Variants in TRDN observed in about 807,000 individuals in gnomAD.
TRDN encodes triadin.
TRDN carries 161 observed loss-of-function variants against 149.7 expected under a neutral mutation model. That is an observed-to-expected ratio of 1.08 (90% CI 0.95 to 1.23). The LOEUF (loss-of-function observed/expected upper bound fraction) is 1.23, where lower values mean the gene tolerates loss of function less well. Among genes scored for constraint, TRDN ranks in the 50% most tolerant of loss-of-function variants. The pLI is 0.00. For missense variants in TRDN, 896 were observed against 823.5 expected (o/e 1.09, Z -1.08); for synonymous variants, 294 against 250.5 (o/e 1.17, Z -1.64).
intron 9 of TRDN, among the ~76,000 whole-genome samples, chr6:123,474,406 G>A (rs563410816): frequency 1.3e-5 from 2 of 152,090 alleles, no homozygotes; most frequent in South Asian, 4.1e-4. Flanking sequence ...CCCAATACAG[G>A]AGTACCAAGA....
In TRDN at chr6:123,526,391, T is replaced by C. The variant is rs1173298330; in HGVS notation, c.484+4115A>G. Among the ~76,000 whole-genome samples, 3 of 152,080 alleles carry C rather than the reference T, an allele frequency of 2.0e-5. No homozygotes were observed. In the East Asian group the frequency reaches 5.8e-4, roughly 29 times the overall value. ...TTTCAGAGACAAATTCTAGATCCTA[T>C]GGCTATGAGCAAATTCTGGTGCTAC... On this transcript the variant is annotated intron_variant, in intron 5 of 40. Transcript: ENST00000334268.
rs1234571128 is a variant in TRDN at position 123,560,086 on chromosome 6, C to T, written c.232+10837G>A. ...TAGCCTTTCTGTCCAAACAACTTGA[C>T]CTTACTGTTTTAGCCTAGCCCTTAT... On this transcript the variant is annotated intron_variant, in intron 2 of 40. Coordinates refer to ENST00000334268, the MANE Select transcript of TRDN (RefSeq NM_006073.4). Among the ~76,000 whole-genome samples the T allele has an allele frequency of 2.0e-5, 3 of 152,212 alleles. No individual in the cohort carries two copies. The East Asian group carries it at 5.8e-4, about 29-fold the overall frequency.
chr6:123,256,969 T>C (rs1776586003), intron 35 of TRDN, among the ~76,000 whole-genome samples: 1 of 117,356 alleles, frequency 8.5e-6, no homozygotes, highest in African/African-American at 3.4e-5. Context: ...ATTTAAATCT[T>C]TTTCTTTTCT....
At chr6:123,496,134 T>C (rs957516312) in intron 9 of TRDN, among the ~76,000 whole-genome samples, 1 of 147,192 alleles carries the variant, frequency 6.8e-6, no homozygotes, top group African/African-American at 2.5e-5. Context: ...TATTTATAAA[T>C]TATAATATAT....
At chr6:123,396,365 T>C (rs1772734244) in intron 12 of TRDN, among the ~76,000 whole-genome samples, 1 of 152,198 alleles carries the variant, frequency 6.6e-6, no homozygotes, top group Admixed American at 6.5e-5. Flanking sequence ...ACTACACATA[T>C]TCTAATGAAA....
chr6:123,456,986 G>A (rs1428655754), intron 10 of TRDN: 5 of 337,880 alleles, frequency 1.5e-5, no homozygotes, highest in African/African-American at 2.2e-5. Context: ...GAGCATTGGA[G>A]GAAACATTCT....
intron 9 of TRDN, among the ~76,000 whole-genome samples, chr6:123,495,039 G>A (rs1239420329): frequency 6.6e-6 from 1 of 151,724 alleles, no homozygotes; most frequent in African/African-American, 2.4e-5. Context: ...CGGCCAGATT[G>A]AACTTTTAAA....
rs2114812883 is a variant in TRDN at position 123,497,180 on chromosome 6, T to G, written c.853+13A>C. 6.5e-7 allele frequency: 1 copy of G among 1,532,064 alleles called. No homozygotes were observed. The highest frequency in any genetic ancestry group is 2.5e-5 in the East Asian group (1 of 40,682). The allele number at this position is 1,532,064 out of a possible 1,614,324, so 94.9% of individuals were successfully genotyped here. A position where few individuals can be genotyped will look rare whatever the true frequency, so the allele number is the denominator to read the frequency against. On this transcript the variant is annotated intron_variant, in intron 9 of 40. Coordinates refer to ENST00000334268, the MANE Select transcript of TRDN (RefSeq NM_006073.4). ...CTATTAAAACAGACAAGTACAAGAA[T>G]TGCTTGGAATACCTGGTTTTAAATC...
chr6:123,380,077 T>C (rs1361165898), intron 16 of TRDN, among the ~76,000 whole-genome samples: 2 of 152,112 alleles, frequency 1.3e-5, no homozygotes, highest in African/African-American at 4.8e-5. Context: ...TGATAAACCA[T>C]AGCAAATGAG....
In TRDN at chr6:123,626,876, C is replaced by T. The variant is rs139553661; in HGVS notation, c.22+9878G>A. Among the ~76,000 whole-genome samples, 626 of 151,118 alleles carry T rather than the reference C, an allele frequency of 4.1e-3. 5 individuals carry two copies. Among genetic ancestry groups the T allele is most frequent in the Admixed American group, 7.3e-3 (111 of 15,172 alleles). On this transcript the variant is annotated intron_variant, in intron 1 of 40. Coordinates refer to ENST00000334268, the MANE Select transcript of TRDN (RefSeq NM_006073.4). ...ATAAGAGGTATTTCTCCCTATGTCA[C>T]CTATAGCCTTATAAAATGTTTTTTT...
intron 38 of TRDN, among the ~76,000 whole-genome samples, chr6:123,242,052 C>T (rs1776008088): frequency 1.3e-5 from 2 of 152,162 alleles, no homozygotes; most frequent in South Asian, 4.1e-4. Context: ...AAATCTTTTT[C>T]TTTGATATAC....
At chr6:123,234,121 T>C (rs553467791) in intron 38 of TRDN, among the ~76,000 whole-genome samples, 3 of 152,104 alleles carry the variant, frequency 2.0e-5, no homozygotes, top group Non-Finnish European at 4.4e-5. Flanking sequence ...GAACCAGTAC[T>C]TCTGACGCTA....
intron 4 of TRDN, among the ~76,000 whole-genome samples, chr6:123,538,138 C>G (rs1780641449): frequency 6.6e-6 from 1 of 152,122 alleles, no homozygotes; most frequent in African/African-American, 2.4e-5. Context: ...TTGTGTATTT[C>G]AAAGAATGCC....
intron 2 of TRDN, among the ~76,000 whole-genome samples, chr6:123,553,926 A>G (rs1283477005): frequency 6.6e-6 from 1 of 152,196 alleles, no homozygotes; most frequent in African/African-American, 2.4e-5. Context: ...AGGGCAGATA[A>G]TATGGTTTAA....
At chr6:123,540,677 C>T (rs958319802) in intron 4 of TRDN, among the ~76,000 whole-genome samples, 2 of 152,172 alleles carry the variant, frequency 1.3e-5, no homozygotes, top group African/African-American at 4.8e-5. Flanking sequence ...CGCCACGACG[C>T]CTGGCTAATT....
rs144625513 is a variant in TRDN, at chr6:123,419,056, T to C, written c.1051+19007A>G. ...TATGTGAACCTACTCCCAAAGGCCA[T>C]GGGAGCTGAGAGGCTAAAAAAAGAA... On this transcript the variant is annotated intron_variant, in intron 12 of 40. Transcript: ENST00000334268. Among the ~76,000 whole-genome samples, 420 of 151,988 alleles carry C rather than the reference T, an allele frequency of 2.8e-3. 2 individuals carry two copies. Among genetic ancestry groups the C allele is most frequent in the African/African-American group, 9.6e-3 (397 of 41,462 alleles).
At chr6:123,389,638 C>A (rs1433796116) in intron 13 of TRDN, among the ~76,000 whole-genome samples, 1 of 152,060 alleles carries the variant, frequency 6.6e-6, no homozygotes, top group Non-Finnish European at 1.5e-5. Flanking sequence ...TTTTAATTTA[C>A]CACAGGTTAT....
intron 14 of TRDN, among the ~76,000 whole-genome samples, chr6:123,383,394 C>A (rs187230821): frequency 1.2e-3 from 187 of 151,948 alleles, no homozygotes; most frequent in African/African-American, 4.1e-3. Flanking sequence ...AATTAACATG[C>A]TTTTTGATGT....
intron 38 of TRDN, among the ~76,000 whole-genome samples, chr6:123,251,102 C>T (rs909949531): frequency 4.6e-5 from 7 of 152,228 alleles, no homozygotes; most frequent in African/African-American, 9.6e-5. Flanking sequence ...TTCCAAGGGC[C>T]TTTCCTTTTA....
Sources: gnomAD v4.1 joint callset for allele counts (sites outside exome capture counted in the v4.1 genomes callset) on GRCh38, gnomAD v4.1.1 for gene constraint, MANE v1.5 for transcripts, NCBI Gene and HGNC (gene_info 2026-07-23, HGNC 2026-07-21) for gene names.